The following IMMP2L variants were observed in gnomAD, a reference collection of about 807,000 sequenced individuals.
IMMP2L encodes the protein inner mitochondrial membrane peptidase subunit 2.
IMMP2L carries 18 observed loss-of-function variants against 19.3 expected under a neutral mutation model. The ratio of observed to expected loss-of-function variants is 0.93; its 90% CI spans 0.64 to 1.38. The LOEUF (loss-of-function observed/expected upper bound fraction) is 1.38. Among genes scored for constraint, IMMP2L ranks in the 40% most tolerant of loss-of-function variants. IMMP2L has a pLI of 0.00. For missense variants in IMMP2L, 233 were observed against 218.2 expected (o/e 1.07, Z -0.43); for synonymous variants, 76 against 73.0 (o/e 1.04, Z -0.21).
Position 111,461,206 on chromosome 7 carries a change from C to T in IMMP2L, c.239+26032G>A, listed in dbSNP as rs59457270. ...TCAAATTCTTTTCCTAAAATACGTT[C>T]CTCACAACTGAATTACTATATATCA... On this transcript the variant is annotated intron_variant, in intron 3 of 5. Coordinates refer to ENST00000405709, the MANE Select transcript of IMMP2L (RefSeq NM_032549.4). 2.4e-3 allele frequency among the ~76,000 whole-genome samples: 369 copies of T among 152,110 alleles called. 1 individual carries two copies. The highest frequency in any genetic ancestry group is 7.6e-3 in the African/African-American group (315 of 41,502).
At chr7:111,115,380 G>T (rs1267271746) in intron 3 of IMMP2L, among the ~76,000 whole-genome samples, 1 of 152,010 alleles carries the variant, frequency 6.6e-6, no homozygotes, top group African/African-American at 2.4e-5. Context: ...GCTCAGTTGA[G>T]CAAAATCAAT....
chr7:110,943,085 T>C (rs1422598017), intron 4 of IMMP2L, among the ~76,000 whole-genome samples: 1 of 151,996 alleles, frequency 6.6e-6, no homozygotes, highest in African/African-American at 2.4e-5. Flanking sequence ...AATAGAAATT[T>C]AGTTCAGGAT....
At chr7:110,735,047 A>G (rs914283006) in intron 5 of IMMP2L, among the ~76,000 whole-genome samples, 1 of 152,202 alleles carries the variant, frequency 6.6e-6, no homozygotes, top group Non-Finnish European at 1.5e-5. Flanking sequence ...TCCACATGTG[A>G]TAACTGACAC....
chr7:111,281,197 A>G (rs1819765769), intron 3 of IMMP2L, among the ~76,000 whole-genome samples: 2 of 53,718 alleles, frequency 3.7e-5, no homozygotes, highest in African/African-American at 1.5e-4. Flanking sequence ...AAAGAAAGAA[A>G]GAAAGAAAGA....
chr7:111,008,204 T>C (rs1477325326), intron 3 of IMMP2L, among the ~76,000 whole-genome samples: 2 of 152,054 alleles, frequency 1.3e-5, no homozygotes, highest in Non-Finnish European at 2.9e-5. Context: ...GTTATATTCC[T>C]TTGCTCACAT....
intron 5 of IMMP2L, among the ~76,000 whole-genome samples, chr7:110,829,031 T>C (rs1200717474): frequency 6.6e-6 from 1 of 152,190 alleles, no homozygotes; most frequent in African/African-American, 2.4e-5. Flanking sequence ...ACTTCATATA[T>C]GTATGGCTAT....
In IMMP2L at chr7:110,790,527, A is replaced by G. The variant is rs549288561; in HGVS notation, c.408+96066T>C. On this transcript the variant is annotated intron_variant, in intron 5 of 5. Transcript: ENST00000405709. ...GAACTGCAATGGTAATGACAGAGGT[A>G]CCTAAGGTGGTCAGATACAGGATGT... 2.0e-5 allele frequency among the ~76,000 whole-genome samples: 3 copies of G among 151,840 alleles called. No individual in the cohort carries two copies. The South Asian group carries it at 6.2e-4, about 32-fold the overall frequency.
chr7:111,416,135 G>A (rs528976015), intron 3 of IMMP2L, among the ~76,000 whole-genome samples: 9 of 151,756 alleles, frequency 5.9e-5, no homozygotes, highest in East Asian at 1.9e-4. Context: ...ACCCAACTAC[G>A]CAAATAAAAT....
At chr7:111,450,316 C>A (rs1321346129) in intron 3 of IMMP2L, among the ~76,000 whole-genome samples, 7 of 151,788 alleles carry the variant, frequency 4.6e-5, no homozygotes, top group Admixed American at 3.3e-4. Context: ...AACTATACTA[C>A]AAGGCTACAG....
intron 1 of IMMP2L, among the ~76,000 whole-genome samples, chr7:111,550,520 A>G (rs944972546): frequency 3.3e-5 from 5 of 152,122 alleles, no homozygotes; most frequent in African/African-American, 1.2e-4. Context: ...GGGGATGTTG[A>G]TCATGCAGGA....
At chr7:111,496,022 A>T in intron 2 of IMMP2L, among the ~76,000 whole-genome samples, 1 of 152,192 alleles carries the variant, frequency 6.6e-6, no homozygotes, top group East Asian at 1.9e-4. Context: ...AGGCGGGGGC[A>T]ATAACAGAAG....
intron 5 of IMMP2L, among the ~76,000 whole-genome samples, chr7:110,694,569 C>T (rs902730860): frequency 2.6e-5 from 4 of 152,026 alleles, no homozygotes; most frequent in Non-Finnish European, 5.9e-5. Context: ...TTAAGGCTTT[C>T]TGAGAAGGTA....
chr7:111,180,759 T>C (rs2129610976), intron 3 of IMMP2L, among the ~76,000 whole-genome samples: 1 of 152,166 alleles, frequency 6.6e-6, no homozygotes, highest in East Asian at 1.9e-4. Flanking sequence ...TTCACACGTA[T>C]ATATTGACAA....
chr7:111,483,018 T>C (rs570694750), intron 3 of IMMP2L, among the ~76,000 whole-genome samples: 70 of 152,206 alleles, frequency 4.6e-4, no homozygotes, highest in African/African-American at 1.7e-3. Context: ...AAAAGGACAT[T>C]AGTGGGAAAA....
rs771435951 is a variant in IMMP2L at position 110,662,715 on chromosome 7, T to C, written c.*887A>G. Among the ~76,000 whole-genome samples the C allele has an allele frequency of 4.6e-5, 7 of 152,206 alleles. No individual in the cohort carries two copies. The highest frequency in any genetic ancestry group is 2.6e-4 in the Admixed American group (4 of 15,288). ...TATGATTCTACTGTAACTTTGCAAT[T>C]GGTGATTTCAGTATTACAGACGTGA... On this transcript the variant is annotated 3_prime_UTR_variant, in exon 6 of 6. Coordinates refer to ENST00000405709, the MANE Select transcript of IMMP2L (RefSeq NM_032549.4).
chr7:111,039,351 G>C (rs1317131682), intron 3 of IMMP2L, among the ~76,000 whole-genome samples: 1 of 152,070 alleles, frequency 6.6e-6, no homozygotes, highest in Non-Finnish European at 1.5e-5. Context: ...AAAACATCTA[G>C]TTTATTTTTA....
At chr7:110,816,226 C>G (rs1367853456) in intron 5 of IMMP2L, among the ~76,000 whole-genome samples, 4 of 152,014 alleles carry the variant, frequency 2.6e-5, no homozygotes, top group African/African-American at 9.7e-5. Flanking sequence ...ATTATGTACC[C>G]AGTAGTCATT....
intron 3 of IMMP2L, among the ~76,000 whole-genome samples, chr7:111,056,682 CAT>C (rs1217108893): frequency 6.6e-6 from 1 of 152,098 alleles, no homozygotes; most frequent in African/African-American, 2.4e-5. Context: ...TCAATTAACA[CAT>C]ATTTTGTGCA....
At chr7:111,318,329 C>T (rs1824326220) in intron 3 of IMMP2L, among the ~76,000 whole-genome samples, 1 of 152,036 alleles carries the variant, frequency 6.6e-6, no homozygotes, top group Admixed American at 6.6e-5. Flanking sequence ...TTACAAAGAA[C>T]AGAAAAGGGG....
Sources: allele counts gnomAD v4.1 joint callset (sites outside exome capture counted in the v4.1 genomes callset), GRCh38; gene constraint gnomAD v4.1.1; transcripts MANE v1.5; gene names NCBI Gene and HGNC (gene_info 2026-07-23, HGNC 2026-07-21).